The following DLG2 variants were observed in gnomAD, a reference collection of about 807,000 sequenced individuals.
DLG2 encodes disks large homolog 2.
A neutral mutation model predicts 132.5 loss-of-function variants in DLG2; 45 were observed. That is an observed-to-expected ratio of 0.34 (90% CI 0.27 to 0.44). The LOEUF is 0.44. Ranked by LOEUF, DLG2 falls within the 20% of genes least tolerant of loss-of-function variation. DLG2 has a pLI of 1.00. For missense variants in DLG2, 1,045 were observed against 1,196.9 expected (o/e 0.87, Z 1.87); for synonymous variants, 424 against 419.6 (o/e 1.01, Z -0.13).
At chr11:83,987,315 A>G (rs7934123) in intron 11 of DLG2, among the ~76,000 whole-genome samples, 98,539 of 151,888 alleles carry the variant, frequency 0.65, 34,317 homozygotes, top group Non-Finnish European at 0.79. Flanking sequence ...CAAGCTACCA[A>G]TGACTTTCTT....
chr11:85,056,159 T>G (rs2063434489), intron 6 of DLG2, among the ~76,000 whole-genome samples: 1 of 152,148 alleles, frequency 6.6e-6, no homozygotes, highest in Non-Finnish European at 1.5e-5. Context: ...TTAGAGTTAT[T>G]AGAAAAGATC....
intron 7 of DLG2, among the ~76,000 whole-genome samples, chr11:84,390,941 G>A (rs865869371): frequency 6.6e-6 from 1 of 152,124 alleles, no homozygotes; most frequent in African/African-American, 2.4e-5. Flanking sequence ...GGGTCTGGCA[G>A]GTGGAGAGAA....
intron 6 of DLG2, among the ~76,000 whole-genome samples, chr11:85,091,952 T>C (rs1168364826): frequency 6.6e-6 from 1 of 152,242 alleles, no homozygotes; most frequent in African/African-American, 2.4e-5. Flanking sequence ...CTCAATGGCA[T>C]CTAGAATGGT....
At chr11:85,046,177 T>C (rs1196240341) in intron 6 of DLG2, among the ~76,000 whole-genome samples, 1 of 152,026 alleles carries the variant, frequency 6.6e-6, no homozygotes, top group African/African-American at 2.4e-5. Flanking sequence ...CGCAACCTAA[T>C]TCCCTCTATG....
intron 6 of DLG2, among the ~76,000 whole-genome samples, chr11:84,559,114 T>C (rs527453496): frequency 2.0e-5 from 3 of 152,322 alleles, no homozygotes; most frequent in African/African-American, 7.2e-5. Context: ...AATGAATGAA[T>C]AAATAGATAT....
chr11:84,292,388 G>C (rs965481415), intron 7 of DLG2, among the ~76,000 whole-genome samples: 1 of 152,138 alleles, frequency 6.6e-6, no homozygotes, highest in African/African-American at 2.4e-5. Flanking sequence ...GGAAAGCTCA[G>C]CTCACCCCTG....
chr11:83,689,495 T>C (rs915155736), intron 18 of DLG2, among the ~76,000 whole-genome samples: 15 of 152,262 alleles, frequency 9.9e-5, no homozygotes, highest in African/African-American at 3.6e-4. Flanking sequence ...AGTTAGACAG[T>C]CCTGATTCAT....
chr11:84,052,146 T>C (rs1429066864), intron 11 of DLG2, among the ~76,000 whole-genome samples: 1 of 151,820 alleles, frequency 6.6e-6, no homozygotes, highest in African/African-American at 2.4e-5. Context: ...ATCCCAAACA[T>C]ATATGTGCAT....
At chr11:84,571,028 C>T (rs1320436302) in intron 6 of DLG2, among the ~76,000 whole-genome samples, 1 of 152,098 alleles carries the variant, frequency 6.6e-6, no homozygotes, top group African/African-American at 2.4e-5. Context: ...TGAGATGAGT[C>T]TACACACATT....
intron 3 of DLG2, among the ~76,000 whole-genome samples, chr11:85,591,766 C>T (rs1308119777): frequency 6.6e-6 from 1 of 152,094 alleles, no homozygotes. Context: ...AAAGCTGTCC[C>T]TGTTTCTACT....
intron 3 of DLG2, among the ~76,000 whole-genome samples, chr11:85,373,338 T>C (rs1188240035): frequency 2.6e-5 from 4 of 152,162 alleles, no homozygotes; most frequent in African/African-American, 9.7e-5. Context: ...GTCACACAAC[T>C]GGAGCCTCAG....
intron 7 of DLG2, among the ~76,000 whole-genome samples, chr11:84,352,593 G>A (rs1387819058): frequency 6.6e-6 from 1 of 152,178 alleles, no homozygotes; most frequent in Non-Finnish European, 1.5e-5. Context: ...GGGTGTAAGT[G>A]AAGGAGCTGC....
intron 3 of DLG2, among the ~76,000 whole-genome samples, chr11:85,567,239 T>C (rs887648445): frequency 2.0e-5 from 3 of 152,222 alleles, no homozygotes; most frequent in African/African-American, 4.8e-5. Flanking sequence ...TAGGGATATA[T>C]TGAATCTATA....
intron 6 of DLG2, among the ~76,000 whole-genome samples, chr11:84,615,625 AT>A (rs924806881): frequency 1.3e-4 from 19 of 151,318 alleles, no homozygotes; most frequent in African/African-American, 1.9e-4. Flanking sequence ...TTCTAGTATC[AT>A]TTTTTTTAGG....
At chr11:85,611,455 A>G (rs1006131906) in intron 2 of DLG2, among the ~76,000 whole-genome samples, 13 of 152,192 alleles carry the variant, frequency 8.5e-5, no homozygotes, top group African/African-American at 2.9e-4. Flanking sequence ...TGACTGCCAA[A>G]CTTATAGTCC....
At chr11:85,091,291 A>T (rs1385949113) in intron 6 of DLG2, among the ~76,000 whole-genome samples, 1 of 152,222 alleles carries the variant, frequency 6.6e-6, no homozygotes, top group East Asian at 1.9e-4. Context: ...CATTTGAATT[A>T]AAAAATATTT....
intron 3 of DLG2, among the ~76,000 whole-genome samples, chr11:85,513,496 A>G (rs2094117640): frequency 6.6e-6 from 1 of 152,058 alleles, no homozygotes. Context: ...TGAACTTATC[A>G]GTTGAAACCT....
chr11:84,719,470 C>T (rs942175176), intron 6 of DLG2, among the ~76,000 whole-genome samples: 8 of 152,276 alleles, frequency 5.3e-5, no homozygotes, highest in Middle Eastern at 3.4e-3. Context: ...TTGTAACTTA[C>T]AGTAACAGGA....
At chr11:84,544,988 CAT>C (rs777969166) in intron 6 of DLG2, 23 of 387,416 alleles carry the variant, frequency 5.9e-5, no homozygotes, top group Non-Finnish European at 1.0e-4. Flanking sequence ...TGTCCATACA[CAT>C]GAGTATTGTC....
Sources: gnomAD v4.1 joint callset for allele counts (sites outside exome capture counted in the v4.1 genomes callset) on GRCh38, gnomAD v4.1.1 for gene constraint, MANE v1.5 for transcripts, NCBI Gene and HGNC (gene_info 2026-07-23, HGNC 2026-07-21) for gene names.